Variants in RABGAP1L observed in about 807,000 individuals in gnomAD.
RABGAP1L encodes the protein RAB GTPase activating protein 1 like.
RABGAP1L carries 63 observed loss-of-function variants against 137.7 expected under a neutral mutation model. That is an observed-to-expected ratio of 0.46 (90% CI 0.37 to 0.56). RABGAP1L has a LOEUF of 0.56. Among genes scored for constraint, RABGAP1L ranks in the 20% least tolerant of loss-of-function variants. The pLI is 0.00. For missense variants in RABGAP1L, 1,095 were observed against 1,244.0 expected (o/e 0.88, Z 1.80); for synonymous variants, 431 against 433.7 (o/e 0.99, Z 0.08).
chr1:174,757,343 C>A (rs1293534402), intron 18 of RABGAP1L, among the ~76,000 whole-genome samples: 1 of 152,070 alleles, frequency 6.6e-6, no homozygotes, highest in Non-Finnish European at 1.5e-5. Flanking sequence ...TCTGATATCT[C>A]TGGGGTAAAT....
chr1:174,248,008 G>T (rs1672408782), intron 5 of RABGAP1L, among the ~76,000 whole-genome samples: 1 of 152,132 alleles, frequency 6.6e-6, no homozygotes, highest in Admixed American at 6.5e-5. Flanking sequence ...TTTCATTTAG[G>T]AGTAGGAAGT....
At chr1:174,900,411 C>T (rs1657947346) in intron 19 of RABGAP1L, among the ~76,000 whole-genome samples, 1 of 152,132 alleles carries the variant, frequency 6.6e-6, no homozygotes, top group Non-Finnish European at 1.5e-5. Context: ...ACTCAGACTG[C>T]GCCCTATTTT....
intron 18 of RABGAP1L, among the ~76,000 whole-genome samples, chr1:174,774,016 T>G (rs962539256): frequency 2.0e-5 from 3 of 152,228 alleles, no homozygotes; most frequent in African/African-American, 4.8e-5. Context: ...GTTGATAGTT[T>G]GATAACTCAC....
intron 13 of RABGAP1L, among the ~76,000 whole-genome samples, chr1:174,547,307 G>T (rs975111631): frequency 1.3e-4 from 20 of 152,024 alleles, no homozygotes; most frequent in Non-Finnish European, 2.8e-4. Flanking sequence ...TTTTAAGGTG[G>T]TAGAGAGCTG....
At chr1:174,589,112 G>C (rs1028039355) in intron 13 of RABGAP1L, among the ~76,000 whole-genome samples, 7 of 152,136 alleles carry the variant, frequency 4.6e-5, no homozygotes, top group African/African-American at 7.2e-5. Flanking sequence ...GTCAGCATTT[G>C]TTATTGCCTA....
At chr1:174,546,542 G>T (rs1286206448) in intron 13 of RABGAP1L, among the ~76,000 whole-genome samples, 2 of 152,144 alleles carry the variant, frequency 1.3e-5, no homozygotes, top group Non-Finnish European at 2.9e-5. Context: ...TTGCTTTCCT[G>T]TAATGTGCCA....
At chr1:174,939,280 G>T (rs1172412355) in intron 19 of RABGAP1L, among the ~76,000 whole-genome samples, 1 of 152,188 alleles carries the variant, frequency 6.6e-6, no homozygotes, top group Admixed American at 6.5e-5. Context: ...TTTGGGCCAG[G>T]TGTAGTGGCT....
At chr1:174,653,682 G>A (rs1191517081) in intron 14 of RABGAP1L, among the ~76,000 whole-genome samples, 2 of 152,200 alleles carry the variant, frequency 1.3e-5, no homozygotes, top group African/African-American at 4.8e-5. Context: ...ATCTAGCTGG[G>A]AGCTGCAGAC....
intron 15 of RABGAP1L, among the ~76,000 whole-genome samples, chr1:174,691,478 A>G (rs1678873357): frequency 6.6e-6 from 1 of 152,208 alleles, no homozygotes; most frequent in Non-Finnish European, 1.5e-5. Context: ...CCAAACGGTG[A>G]TTACATCACT....
intron 13 of RABGAP1L, among the ~76,000 whole-genome samples, chr1:174,636,932 A>T (rs1271043682): frequency 6.6e-6 from 1 of 152,234 alleles, no homozygotes; most frequent in African/African-American, 2.4e-5. Flanking sequence ...GATGGTCATT[A>T]ATAGGAGAAT....
intron 18 of RABGAP1L, among the ~76,000 whole-genome samples, chr1:174,763,903 C>T (rs1421750356): frequency 1.3e-5 from 2 of 151,640 alleles, no homozygotes; most frequent in African/African-American, 4.8e-5. Flanking sequence ...CTTGTGCACC[C>T]ATCACCTTTA....
intron 17 of RABGAP1L, among the ~76,000 whole-genome samples, chr1:174,749,059 C>A (rs1179990575): frequency 6.6e-6 from 1 of 151,430 alleles, no homozygotes; most frequent in Non-Finnish European, 1.5e-5. Context: ...GCCTGTAGCC[C>A]CAGCTACATG....
chr1:174,196,293 G>A (rs1667684006), intron 1 of RABGAP1L, among the ~76,000 whole-genome samples: 1 of 145,352 alleles, frequency 6.9e-6, no homozygotes, highest in Non-Finnish European at 1.5e-5. Flanking sequence ...GCACGATCTT[G>A]GCTCACTGCA....
intron 13 of RABGAP1L, among the ~76,000 whole-genome samples, chr1:174,427,565 G>A (rs1652110248): frequency 6.6e-6 from 1 of 152,022 alleles, no homozygotes; most frequent in Non-Finnish European, 1.5e-5. Flanking sequence ...AAGTTGTACT[G>A]GCATATGTAG....
intron 13 of RABGAP1L, among the ~76,000 whole-genome samples, chr1:174,405,074 T>G (rs1649102338): frequency 6.6e-6 from 1 of 152,178 alleles, no homozygotes; most frequent in Non-Finnish European, 1.5e-5. Context: ...AGAAGAATTT[T>G]TACTCTGGGT....
chr1:174,954,016 A>G (rs2149333044), intron 19 of RABGAP1L: 1 of 152,334 alleles, frequency 6.6e-6, no homozygotes. Context: ...AATAAATGTT[A>G]ATTACCTAAG....
At chr1:174,322,125 A>G (rs1379830616) in intron 11 of RABGAP1L, among the ~76,000 whole-genome samples, 1 of 152,090 alleles carries the variant, frequency 6.6e-6, no homozygotes, top group Non-Finnish European at 1.5e-5. Flanking sequence ...TATGATTTAT[A>G]TCTTTTGTGT....
At chr1:174,251,712 T>G (rs952714873) in intron 6 of RABGAP1L, among the ~76,000 whole-genome samples, 6 of 152,212 alleles carry the variant, frequency 3.9e-5, no homozygotes, top group African/African-American at 1.4e-4. Context: ...CATGGATACA[T>G]CACAGTCATC....
intron 19 of RABGAP1L, chr1:174,945,640 A>G (rs1026481450): frequency 2.0e-5 from 3 of 152,110 alleles, no homozygotes; most frequent in African/African-American, 7.2e-5. Context: ...AGGAATGGTT[A>G]TGATCCAGCA....
Sources: gnomAD v4.1 joint callset for allele counts (sites outside exome capture counted in the v4.1 genomes callset) on GRCh38, gnomAD v4.1.1 for gene constraint, MANE v1.5 for transcripts, NCBI Gene and HGNC (gene_info 2026-07-23, HGNC 2026-07-21) for gene names.